Variants in FBN1 observed in about 807,000 individuals in gnomAD.
FBN1 encodes fibrillin-1.
In FBN1, 29 loss-of-function variants were observed where a neutral mutation model predicts 365.1. The ratio of observed to expected loss-of-function variants is 0.08; its 90% CI spans 0.06 to 0.11. The LOEUF (loss-of-function observed/expected upper bound fraction) is 0.11, where lower values mean the gene tolerates loss of function less well. Among genes scored for constraint, FBN1 ranks in the 10% least tolerant of loss-of-function variants. The pLI, the probability that FBN1 is intolerant of heterozygous loss-of-function variation, is 1.00. For synonymous variants in FBN1, 1,210 were observed against 1,270.5 expected, an observed-to-expected ratio of 0.95 and a Z score of 1.01; for missense variants, 2,476 against 3,703.2, an observed-to-expected ratio of 0.67 and a Z score of 8.60.
intron 2 of FBN1, among the ~76,000 whole-genome samples, chr15:48,628,202 T>C (rs1373432462): frequency 6.6e-6 from 1 of 152,068 alleles, no homozygotes; most frequent in East Asian, 1.9e-4. Flanking sequence ...GCAGCTCTTG[T>C]CCCTACCTTC....
chr15:48,420,036 C>T (rs1045820478), intron 63 of FBN1, among the ~76,000 whole-genome samples: 1 of 152,200 alleles, frequency 6.6e-6, no homozygotes, highest in African/African-American at 2.4e-5. Flanking sequence ...AGCTAAGTGG[C>T]TTCTGGTATC....
At chr15:48,502,905 A>G (rs2043673356) in intron 17 of FBN1, among the ~76,000 whole-genome samples, 1 of 152,228 alleles carries the variant, frequency 6.6e-6, no homozygotes, top group South Asian at 2.1e-4. Flanking sequence ...TGATGGAGGA[A>G]GAGAATTCTG....
intron 64 of FBN1, among the ~76,000 whole-genome samples, chr15:48,413,247 G>A (rs938635414): frequency 6.6e-6 from 1 of 152,102 alleles, no homozygotes; most frequent in African/African-American, 2.4e-5. Context: ...ATTCCTTGAC[G>A]TTTCACTTTT....
intron 43 of FBN1, among the ~76,000 whole-genome samples, chr15:48,458,810 A>C (rs2141262641): frequency 6.6e-6 from 1 of 152,350 alleles, no homozygotes; most frequent in South Asian, 2.1e-4. Flanking sequence ...ACATGCCAAC[A>C]ATCATAAGAT....
Position 48,411,090 on chromosome 15 carries a change from T to C in FBN1, c.8516A>G (p.Lys2839Arg). 1 of 1,614,092 alleles carries C rather than the reference T, an allele frequency of 6.2e-7. No individual in the cohort carries two copies. The highest frequency in any genetic ancestry group is 8.5e-7 in the Non-Finnish European group (1 of 1,180,000). The change falls in exon 66 of 66, where the codon AAG becomes AGG. Residue 2839 changes from lysine (K) to arginine (R), a missense_variant. Physicochemically the swap from Lys to Arg is conservative, Grantham distance 26. Transcript: ENST00000316623. ...LQISSTPLYK[K>R]KELNQLEDKY... ...GTCTTCTAGTTGGTTAAGTTCTTTC[T>C]TTTTATAAAGTGGAGTACTACTGAT...
chr15:48,481,335 T>C (rs1234668531), intron 32 of FBN1, among the ~76,000 whole-genome samples: 1 of 152,172 alleles, frequency 6.6e-6, no homozygotes, highest in Non-Finnish European at 1.5e-5. Flanking sequence ...TGAAGGGCCA[T>C]GAATATTTGG....
intron 2 of FBN1, among the ~76,000 whole-genome samples, chr15:48,629,434 G>A (rs900205709): frequency 6.6e-6 from 1 of 152,070 alleles, no homozygotes; most frequent in African/African-American, 2.4e-5. Flanking sequence ...TTTGGATCCT[G>A]ATTTGAATAA....
chr15:48,585,870 T>C (rs992178833), intron 6 of FBN1, among the ~76,000 whole-genome samples: 2 of 152,176 alleles, frequency 1.3e-5, no homozygotes, highest in Non-Finnish European at 1.5e-5. Context: ...TATTTTAAAA[T>C]TAATAGATGA....
At chr15:48,541,079 A>G (rs57218479) in intron 6 of FBN1, among the ~76,000 whole-genome samples, 7 of 152,028 alleles carry the variant, frequency 4.6e-5, no homozygotes, top group African/African-American at 1.7e-4. Context: ...ATAACTTCAC[A>G]TGTGAATTTC....
At chr15:48,473,210 A>C (rs879762572) in intron 34 of FBN1, among the ~76,000 whole-genome samples, 2 of 152,244 alleles carry the variant, frequency 1.3e-5, no homozygotes, top group Non-Finnish European at 2.9e-5. Flanking sequence ...ACAAAACATC[A>C]ATAAGTTAGG....
intron 56 of FBN1, among the ~76,000 whole-genome samples, chr15:48,429,886 GAGA>G (rs2043011807): frequency 6.6e-6 from 1 of 152,308 alleles, no homozygotes; most frequent in South Asian, 2.1e-4. Context: ...GAATGCGTGT[GAGA>G]AGGTTTTAAT....
intron 6 of FBN1, among the ~76,000 whole-genome samples, chr15:48,549,253 T>C (rs547465649): frequency 2.6e-5 from 4 of 152,218 alleles, no homozygotes; most frequent in Non-Finnish European, 5.9e-5. Context: ...GTTCGATGAA[T>C]CTGAACACAA....
chr15:48,453,311 C>A lies in FBN1; in HGVS notation c.5423-627G>T, dbSNP rs201179098. ...AAAACAAACAAAAAAAAAACACACACAAAAAAAAAGGAAAAAAAAAGGAAA... is the reference window on the plus strand; with the variant it reads ...AAAACAAACAAAAAAAAAACACACAAAAAAAAAAAGGAAAAAAAAAGGAAA... On this transcript the variant is annotated intron_variant, in intron 44 of 65. Coordinates refer to ENST00000316623, the MANE Select transcript of FBN1 (RefSeq NM_000138.5). Among the ~76,000 whole-genome samples the A allele has an allele frequency of 1.2e-3, 119 of 101,206 alleles. 1 individual carries two copies. Among genetic ancestry groups the A allele is most frequent in the African/African-American group, 1.7e-3 (46 of 27,796 alleles). The allele number at this position is 101,206 out of a possible 152,430, so 66.4% of individuals were successfully genotyped here. A position where few individuals can be genotyped will look rare whatever the true frequency, so the allele number is the denominator to read the frequency against.
chr15:48,434,830 C>T, intron 53 of FBN1, 117 bp from the exon 54 acceptor site: 1 of 1,246,066 alleles, frequency 8.0e-7, no homozygotes. Flanking sequence ...CAGAGTCTCA[C>T]TTTGACATCC....
chr15:48,513,783 A>G (rs2043780168), intron 12 of FBN1, 115 bp from the exon 13 acceptor site: 1 of 1,198,406 alleles, frequency 8.3e-7, no homozygotes, highest in South Asian at 1.3e-5. Context: ...AATAAATAAC[A>G]TAATAAAAGG....
chr15:48,489,771 G>A (rs899926809), intron 25 of FBN1, 80 bp downstream of exon 25: 4 of 1,068,910 alleles, frequency 3.7e-6, no homozygotes, highest in Non-Finnish European at 4.4e-6. Context: ...GGATGATCAA[G>A]TAGAGTGCTG....
At chr15:48,414,667 C>T (rs904319619) in intron 64 of FBN1, among the ~76,000 whole-genome samples, 4 of 152,028 alleles carry the variant, frequency 2.6e-5, no homozygotes, top group South Asian at 4.1e-4. Flanking sequence ...GAGGTCAAGA[C>T]GGGCAGATCA....
intron 58 of FBN1, 144 bp downstream of exon 58, chr15:48,427,423 C>G (rs2042986176): frequency 2.4e-6 from 2 of 847,290 alleles, no homozygotes; most frequent in African/African-American, 1.7e-5. Context: ...ATGTCTAAAA[C>G]TCCATAATGA....
chr15:48,558,540 C>T (rs1047644536), intron 6 of FBN1, among the ~76,000 whole-genome samples: 1 of 152,150 alleles, frequency 6.6e-6, no homozygotes, highest in Non-Finnish European at 1.5e-5. Flanking sequence ...ACACTAACAA[C>T]TAGCTTTGGA....
Sources: allele counts gnomAD v4.1 joint callset (sites outside exome capture counted in the v4.1 genomes callset), GRCh38; gene constraint gnomAD v4.1.1; transcripts MANE v1.5; gene names NCBI Gene and HGNC (gene_info 2026-07-23, HGNC 2026-07-21).